Variants in CES5A observed in about 807,000 individuals in gnomAD.
CES5A encodes the protein carboxylesterase 5.
In CES5A, 67 loss-of-function variants were observed where a neutral mutation model predicts 62.9. The observed-to-expected ratio is 1.07, with a 90% CI of 0.88 to 1.31. The LOEUF (loss-of-function observed/expected upper bound fraction) is 1.31. Among genes scored for constraint, CES5A ranks in the 50% most tolerant of loss-of-function variants. The pLI is 0.00. For synonymous variants in CES5A, 296 were observed against 280.8 expected, an observed-to-expected ratio of 1.05 and a Z score of -0.54; for missense variants, 748 against 708.5, an observed-to-expected ratio of 1.06 and a Z score of -0.63.
At chr16:55,939,758 G>A (rs558806699) in intron 2 of CES5A, among the ~76,000 whole-genome samples, 3 of 151,810 alleles carry the variant, frequency 2.0e-5, no homozygotes, top group South Asian at 2.1e-4. Flanking sequence ...CCAAGATAGA[G>A]CATGATCCTG....
At chr16:55,854,527 G>C (rs1567324382) in intron 9 of CES5A, among the ~76,000 whole-genome samples, 1 of 116,682 alleles carries the variant, frequency 8.6e-6, no homozygotes, top group Non-Finnish European at 1.7e-5. Flanking sequence ...TGCCTGTAGT[G>C]TTTCTTTTTT....
chr16:55,862,003 A>G (rs1267789991), intron 6 of CES5A, among the ~76,000 whole-genome samples: 1 of 151,950 alleles, frequency 6.6e-6, no homozygotes, highest in African/African-American at 2.4e-5. Context: ...CCCCAGGCCC[A>G]CTCACAGCCT....
chr16:55,870,812 TTC>T (rs1429848971), intron 3 of CES5A, among the ~76,000 whole-genome samples: 2 of 152,228 alleles, frequency 1.3e-5, no homozygotes, highest in African/African-American at 4.8e-5. Flanking sequence ...ATCCCTTCCA[TTC>T]TCTTTCTTAA....
In CES5A at chr16:55,863,448, A is replaced by G; in HGVS notation, c.710T>C (p.Leu237Pro). The change falls in exon 6 of 13, where the codon CTG becomes CCG. Residue 237 changes from leucine to proline, a missense_variant. Transcript: ENST00000290567. ...GAATAAGCCTTTGGCCATGGGAGAC[A>G]GTATCTGGAGAGAGAACACAGAAGA... ...AGAISVSSLILSPMAKGLFHK... is the reference protein window; with the variant it reads ...AGAISVSSLIPSPMAKGLFHK... 1.3e-6 allele frequency: 2 copies of G among 1,547,950 alleles called. No individual in the cohort carries two copies. Among genetic ancestry groups the G allele is most frequent in the East Asian group, 2.2e-5 (1 of 44,570 alleles).
intron 1 of CES5A, among the ~76,000 whole-genome samples, chr16:55,898,283 A>C (rs1247322345): frequency 6.6e-6 from 1 of 152,088 alleles, no homozygotes; most frequent in African/African-American, 2.4e-5. Flanking sequence ...GCATCAAGAA[A>C]CTCTGAAACG....
At chr16:55,884,012 C>T (rs1176445674) in intron 1 of CES5A, among the ~76,000 whole-genome samples, 1 of 152,170 alleles carries the variant, frequency 6.6e-6, no homozygotes, top group Non-Finnish European at 1.5e-5. Context: ...GAATCTGTGT[C>T]CATTAGTCCT....
Position 55,863,418 on chromosome 16 carries a change from T to C in CES5A, c.740A>G (p.Lys247Arg). The C allele has an allele frequency of 6.2e-7, 1 of 1,608,898 alleles. No individual in the cohort carries two copies. Among genetic ancestry groups the C allele is most frequent in the Non-Finnish European group, 8.5e-7 (1 of 1,176,390 alleles). The change falls in exon 6 of 13, where the codon AAA becomes AGA. Residue 247 changes from lysine to arginine, a missense_variant. Transcript: ENST00000290567. ...LSPMAKGLFH[K>R]AIMESGVAII... ...GGCCACCCCACTCTCCATGATGGCT[T>C]TGTGGAATAAGCCTTTGGCCATGGG...
intron 1 of CES5A, among the ~76,000 whole-genome samples, chr16:55,911,973 A>G (rs1305492406): frequency 1.3e-5 from 2 of 152,222 alleles, no homozygotes; most frequent in Non-Finnish European, 2.9e-5. Flanking sequence ...GTTGCATCTG[A>G]AGTTTCTAAA....
intron 1 of CES5A, among the ~76,000 whole-genome samples, chr16:55,914,354 T>C (rs879775771): frequency 7.9e-5 from 12 of 151,918 alleles, no homozygotes; most frequent in African/African-American, 1.5e-4. Context: ...ACCAGGGGGG[T>C]TGGCCTGGCA....
chr16:55,871,751 G>C lies in CES5A; in HGVS notation c.291C>G (p.Asn97Lys). ...ATSYPNLCLQNSEWLLLDQHM... is the reference protein window; with the variant it reads ...ATSYPNLCLQKSEWLLLDQHM... ...GTTGATCTAAGAGCAGCCACTCTGAGTTCTGGAGGCACCTTGGAGAAGGAG... is the reference window on the plus strand; with the variant it reads ...GTTGATCTAAGAGCAGCCACTCTGACTTCTGGAGGCACCTTGGAGAAGGAG... Residue 97 changes from asparagine (N) to lysine (K), a missense_variant, in exon 3 of 13, where the codon AAC becomes AAG. Transcript: ENST00000290567. 6.2e-7 allele frequency: 1 copy of C among 1,613,986 alleles called. No individual in the cohort carries two copies. The highest frequency in any genetic ancestry group is 8.5e-7 in the Non-Finnish European group (1 of 1,179,926).
At chr16:55,881,514 C>A (rs1471299587) in intron 1 of CES5A, among the ~76,000 whole-genome samples, 1 of 152,140 alleles carries the variant, frequency 6.6e-6, no homozygotes, top group Non-Finnish European at 1.5e-5. Context: ...ATGCCTCGGG[C>A]AGATGCTAAT....
chr16:55,854,450 C>T (rs2033192010), intron 9 of CES5A, among the ~76,000 whole-genome samples: 1 of 151,794 alleles, frequency 6.6e-6, no homozygotes, highest in African/African-American at 2.4e-5. Flanking sequence ...AAACCTTAGT[C>T]CCAATTCATC....
intron 9 of CES5A, among the ~76,000 whole-genome samples, chr16:55,854,891 T>C (rs1282697339): frequency 1.3e-5 from 2 of 152,122 alleles, no homozygotes; most frequent in African/African-American, 4.8e-5. Flanking sequence ...TCTCAGTCTT[T>C]AGGATGAAGT....
chr16:55,927,731 A>T (rs1425613374), upstream of CES5A, among the ~76,000 whole-genome samples: 1 of 152,164 alleles, frequency 6.6e-6, no homozygotes, highest in African/African-American at 2.4e-5. Context: ...AAAGAACTAG[A>T]AGTAGATCTA....
chr16:55,884,643 G>C (rs2033796423), intron 1 of CES5A, among the ~76,000 whole-genome samples: 1 of 152,030 alleles, frequency 6.6e-6, no homozygotes, highest in Non-Finnish European at 1.5e-5. Context: ...CCAGACTGGA[G>C]TGCAATAGCA....
At chr16:55,855,520 C>T (rs143221660) in intron 9 of CES5A, among the ~76,000 whole-genome samples, 391 of 152,278 alleles carry the variant, frequency 2.6e-3, no homozygotes, top group South Asian at 0.025. Flanking sequence ...TCCCCAGTCC[C>T]ATGTGTGTTT....
At chr16:55,861,196 C>A (rs2033343387) in intron 7 of CES5A, among the ~76,000 whole-genome samples, 1 of 152,206 alleles carries the variant, frequency 6.6e-6, no homozygotes, top group Non-Finnish European at 1.5e-5. Flanking sequence ...TTTGCTGAAT[C>A]TTCTCCAGGC....
intron 1 of CES5A, 87 bp from the exon 2 acceptor site, chr16:55,874,124 G>T: frequency 1.7e-6 from 2 of 1,195,048 alleles, no homozygotes; most frequent in African/African-American, 1.5e-5. Flanking sequence ...CAGTGGGGAT[G>T]TGCTTCCTTC....
chr16:55,880,322 C>T (rs1194233121), upstream of CES5A, among the ~76,000 whole-genome samples: 1 of 152,128 alleles, frequency 6.6e-6, no homozygotes, highest in Non-Finnish European at 1.5e-5. Context: ...AGATGGAGTC[C>T]CCCAGGAGGA....
Sources: gnomAD v4.1 joint callset for allele counts (sites outside exome capture counted in the v4.1 genomes callset) on GRCh38, gnomAD v4.1.1 for gene constraint, MANE v1.5 for transcripts, NCBI Gene and HGNC (gene_info 2026-07-23, HGNC 2026-07-21) for gene names.